OR5B3: variants seen among roughly 807,000 people sequenced by gnomAD.
OR5B3 encodes the protein olfactory receptor 5B3.
For missense variants in OR5B3, 430 were observed against 375.4 expected (o/e 1.15, Z -1.20); for synonymous variants, 150 against 135.0 (o/e 1.11, Z -0.77).
chr11:58,403,170 C>G lies in OR5B3; in HGVS notation c.240G>C (p.Met80Ile), dbSNP rs761816878. ...CCTTGTCTTCTATAAGGAATCCAGC[C>G]ATGACGATGGGAGTGACAGCTGAAG... ...CYSSAVTPIV[M>I]AGFLIEDKVI... Residue 80 changes from methionine to isoleucine, a missense_variant, in exon 2 of 2, where the codon ATG becomes ATC. Physicochemically the swap from Met to Ile is conservative, Grantham distance 10. Coordinates refer to ENST00000641865, the MANE Select transcript of OR5B3 (RefSeq NM_001005469.2). 2 of 1,613,966 alleles carry G rather than the reference C, an allele frequency of 1.2e-6. No homozygotes were observed. The highest frequency in any genetic ancestry group is 4.5e-5 in the East Asian group (2 of 44,880).
In OR5B3 at chr11:58,402,667, A is replaced by G; in HGVS notation, c.743T>C (p.Ile248Thr). Reference sequence around the variant, plus strand: ...CATGAAGATAATAGTCCCATAGAAGATGCCGACTGCAATGAAATGAGAGGC... The same window carrying G: ...CATGAAGATAATAGTCCCATAGAAGGTGCCGACTGCAATGAAATGAGAGGC... ...TCASHFIAVG[I>T]FYGTIIFMYL... is the part of the protein sequence containing the mutation. The change falls in exon 2 of 2, where the codon ATC (isoleucine) becomes ACC (threonine). Residue 248 changes from isoleucine to threonine, a missense_variant. Ile to Thr is a moderately conservative substitution (Grantham distance 89). Coordinates refer to ENST00000641865, the MANE Select transcript of OR5B3 (RefSeq NM_001005469.2). The G allele has an allele frequency of 6.2e-7, 1 of 1,613,970 alleles. No homozygotes were observed. Among genetic ancestry groups the G allele is most frequent in the Non-Finnish European group, 8.5e-7 (1 of 1,179,920 alleles).
At chr11:58,404,467 T>C (rs1375470926) in intron 1 of OR5B3, among the ~76,000 whole-genome samples, 1 of 151,262 alleles carries the variant, frequency 6.6e-6, no homozygotes, top group Admixed American at 6.6e-5. Flanking sequence ...TAAAGGTGGA[T>C]GGTGACAAGC....
chr11:58,405,521 C>G (rs1312547616), intron 1 of OR5B3, among the ~76,000 whole-genome samples: 1 of 152,170 alleles, frequency 6.6e-6, no homozygotes, highest in Admixed American at 6.5e-5. Flanking sequence ...ACTGCATGCT[C>G]TCACTTTTAA....
Position 58,402,911 on chromosome 11 carries a change from A to C in OR5B3, c.499T>G (p.Cys167Gly). 6.2e-7 allele frequency: 1 copy of C among 1,614,026 alleles called. No homozygotes were observed. Among genetic ancestry groups the C allele is most frequent in the Non-Finnish European group, 8.5e-7 (1 of 1,179,900 alleles). ...HTGDTFSLSFCKSNEVHHFFC... is the reference protein window; with the variant it reads ...HTGDTFSLSFGKSNEVHHFFC... ...AAGTGATGGACTTCATTGGACTTAC[A>C]GAAAGAGAGACTAAATGTGTCCCCA... The change falls in exon 2 of 2, where the codon TGT (cysteine) becomes GGT (glycine). Residue 167 changes from cysteine to glycine, a missense_variant. Cys to Gly is a radical substitution (Grantham distance 159, BLOSUM62 -3). Transcript: ENST00000641865.
chr11:58,406,555 T>C (rs1273921349), intron 1 of OR5B3, among the ~76,000 whole-genome samples: 1 of 152,056 alleles, frequency 6.6e-6, no homozygotes, highest in Non-Finnish European at 1.5e-5. Context: ...AATTACCACC[T>C]AGTCAGTCAG....
intron 1 of OR5B3, among the ~76,000 whole-genome samples, chr11:58,406,377 T>A (rs371546087): frequency 1.3e-5 from 2 of 152,184 alleles, no homozygotes; most frequent in African/African-American, 4.8e-5. Context: ...CATAGGTAGA[T>A]GCGCTAATAG....
At position 58,402,741 on chromosome 11, in the gene OR5B3, G is replaced by A. The variant is rs780387507; in HGVS notation, c.669C>T (p.Ile223=). ...LISYTFIFIT[I]LKMHSASVYQ... ...ATACTGAAGCTGAGTGCATCTTTAG[G>A]ATGGTGATAAAAATGAATGTGTAGG... Residue 223 remains isoleucine, a synonymous_variant, in exon 2 of 2, where the codon ATC becomes ATT. Coordinates refer to ENST00000641865, the MANE Select transcript of OR5B3 (RefSeq NM_001005469.2). The A allele has an allele frequency of 2.9e-5, 47 of 1,613,774 alleles. No homozygotes were observed. The Admixed American group carries it at 6.7e-4, about 23-fold the overall frequency.
At position 58,402,551 on chromosome 11, in the gene OR5B3, C is replaced by T. The variant is rs757837626; in HGVS notation, c.859G>A (p.Val287Ile). The T allele has an allele frequency of 9.3e-6, 15 of 1,613,416 alleles. No individual in the cohort carries two copies. Among genetic ancestry groups the T allele is most frequent in the African/African-American group, 6.7e-5 (5 of 74,870 alleles). ...TMVIPMLNPL[V>I]YSLRNKEVKS... ...ACTTCCTTGTTCCTCAGACTATAGA[C>T]CAGAGGGTTCAGCATGGGGATGACC... Residue 287 changes from valine (V) to isoleucine (I), a missense_variant, in exon 2 of 2, where the codon GTC (valine) becomes ATC (isoleucine). Val to Ile is a conservative substitution (Grantham distance 29, BLOSUM62 3). Transcript: ENST00000641865.
At chr11:58,406,096 G>T (rs990819658) in intron 1 of OR5B3, among the ~76,000 whole-genome samples, 4 of 152,006 alleles carry the variant, frequency 2.6e-5, no homozygotes, top group South Asian at 2.1e-4. Flanking sequence ...ATACCTGACC[G>T]CATTTAGCAT....
chr11:58,406,796 C>A lies in OR5B3; in HGVS notation c.-27+5G>T, dbSNP rs1485367346. The A allele has an allele frequency of 6.6e-6, 1 of 152,180 alleles. No individual in the cohort carries two copies. Among genetic ancestry groups the A allele is most frequent in the Non-Finnish European group, 1.5e-5 (1 of 68,032 alleles). The allele number at this position is 152,180 out of a possible 1,614,324, so 9.4% of individuals were successfully genotyped here. ...CTAAAATGTTTCTTAGATATAGAAG[C>A]TTACCTTACAGCTGGATGAGCAGAA... On this transcript the variant is annotated splice_donor_5th_base_variant and intron_variant, in intron 1 of 1. Coordinates refer to ENST00000641865, the MANE Select transcript of OR5B3 (RefSeq NM_001005469.2).
chr11:58,406,640 A>G (rs1189276651), intron 1 of OR5B3, among the ~76,000 whole-genome samples, 161 bp downstream of exon 1: 1 of 152,182 alleles, frequency 6.6e-6, no homozygotes. Context: ...TAAATTTCCT[A>G]TAATGGAACA....
At chr11:58,403,820 T>C (rs1855068241) in intron 1 of OR5B3, among the ~76,000 whole-genome samples, 1 of 152,222 alleles carries the variant, frequency 6.6e-6, no homozygotes, top group African/African-American at 2.4e-5. Flanking sequence ...ATATTCATTA[T>C]TTCCTTTCTA....
Position 58,402,558 on chromosome 11 carries a change from G to A in OR5B3, c.852C>T (p.Asn284=). 1 of 1,613,422 alleles carries A rather than the reference G, an allele frequency of 6.2e-7. No homozygotes were observed. ...TGTTCCTCAGACTATAGACCAGAGG[G>A]TTCAGCATGGGGATGACCATTGTAT... ...VFYTMVIPML[N]PLVYSLRNKE... Residue 284 remains asparagine, a synonymous_variant, in exon 2 of 2, where the codon AAC becomes AAT. Transcript: ENST00000641865.
At chr11:58,404,339 G>A (rs932794288) in intron 1 of OR5B3, among the ~76,000 whole-genome samples, 11 of 103,312 alleles carry the variant, frequency 1.1e-4, no homozygotes, top group African/African-American at 3.9e-4. Flanking sequence ...AGGTATTATT[G>A]TGAGAATTAA....
intron 1 of OR5B3, among the ~76,000 whole-genome samples, chr11:58,405,950 T>C (rs1310555252): frequency 6.6e-6 from 1 of 152,142 alleles, no homozygotes; most frequent in Non-Finnish European, 1.5e-5. Context: ...ACTTTAAGTC[T>C]GTGTATTTGG....
intron 1 of OR5B3, among the ~76,000 whole-genome samples, chr11:58,404,865 G>C (rs1258556328): frequency 2.0e-5 from 3 of 151,870 alleles, no homozygotes; most frequent in Non-Finnish European, 4.4e-5. Flanking sequence ...TCTTGTTTTG[G>C]AACAATATTT....
At position 58,403,338 on chromosome 11, in the gene OR5B3, G is replaced by T; in HGVS notation, c.72C>A (p.Pro24=). ...GLTNDSELQV[P]LFITFPFIYI... is the part of the protein sequence containing the mutation. ...AGATGAAGGGGAACGTTATAAAGAG[G>T]GGAACCTGCAGTTCTGAGTCATTGG... Residue 24 remains proline, a synonymous_variant, in exon 2 of 2, where the codon CCC becomes CCA. Coordinates refer to ENST00000641865, the MANE Select transcript of OR5B3 (RefSeq NM_001005469.2). 1 of 1,612,652 alleles carries T rather than the reference G, an allele frequency of 6.2e-7. No homozygotes were observed. Among genetic ancestry groups the T allele is most frequent in the Non-Finnish European group, 8.5e-7 (1 of 1,179,070 alleles).
intron 1 of OR5B3, among the ~76,000 whole-genome samples, chr11:58,404,823 TC>T (rs1401561148): frequency 6.6e-6 from 1 of 152,178 alleles, no homozygotes; most frequent in Non-Finnish European, 1.5e-5. Flanking sequence ...GGTGGCAAGT[TC>T]CATGTGATAA....
rs778187572 is a variant in OR5B3, at chr11:58,402,509, T to C, written c.901A>G (p.Lys301Glu). ...GACAATTTTGCCTTCTCAACAACTT[T>C]CTTGAATGCACTCTTCACTTCCTTG... ...RNKEVKSAFK[K>E]VVEKAKLSVG... Residue 301 changes from lysine to glutamate, a missense_variant, in exon 2 of 2, where the codon AAA (lysine) becomes GAA (glutamate). Coordinates refer to ENST00000641865, the MANE Select transcript of OR5B3 (RefSeq NM_001005469.2). 1 of 1,613,274 alleles carries C rather than the reference T, an allele frequency of 6.2e-7. No homozygotes were observed. Among genetic ancestry groups the C allele is most frequent in the Non-Finnish European group, 8.5e-7 (1 of 1,179,262 alleles).
Sources: allele counts gnomAD v4.1 joint callset (sites outside exome capture counted in the v4.1 genomes callset), GRCh38; gene constraint gnomAD v4.1.1; transcripts MANE v1.5; gene names NCBI Gene and HGNC (gene_info 2026-07-23, HGNC 2026-07-21).